MOCOS: variants seen among roughly 807,000 people sequenced by gnomAD.
The protein encoded by MOCOS is human molybdenum cofactor sulfurase.
A neutral mutation model predicts 83.6 loss-of-function variants in MOCOS; 86 were observed. The ratio of observed to expected loss-of-function variants is 1.03; its 90% confidence interval spans 0.86 to 1.23. MOCOS has a LOEUF of 1.23. Ranked by LOEUF, MOCOS falls within the 50% of genes most tolerant of loss-of-function variation. The probability of loss-of-function intolerance (pLI) is 0.00; values close to 1 mark genes in which losing one functional copy is unlikely to be tolerated. For synonymous variants in MOCOS, 445 were observed against 434.7 expected, an observed-to-expected ratio of 1.02 and a Z score of -0.29; for missense variants, 1,120 against 1,126.9, an observed-to-expected ratio of 0.99 and a Z score of 0.09.
chr18:36,260,400 CAGA>C (rs1409755209), intron 13 of MOCOS, among the ~76,000 whole-genome samples: 2 of 152,228 alleles, frequency 1.3e-5, no homozygotes, highest in Non-Finnish European at 2.9e-5. Flanking sequence ...GCACACACCA[CAGA>C]AGGTGTGCGA....
intron 9 of MOCOS, among the ~76,000 whole-genome samples, chr18:36,228,694 G>T (rs2091526877): frequency 6.6e-6 from 1 of 152,080 alleles, no homozygotes; most frequent in Admixed American, 6.6e-5. Flanking sequence ...GTGGAGGGTG[G>T]GAGGATGGGG....
chr18:36,219,114 G>A (rs918455897), intron 8 of MOCOS, among the ~76,000 whole-genome samples: 51 of 150,982 alleles, frequency 3.4e-4, no homozygotes, highest in Admixed American at 3.0e-3. Flanking sequence ...TGATCTGCCC[G>A]CCTCAGTCTC....
In MOCOS at chr18:36,248,986, G is replaced by A; in HGVS notation, c.2025G>A (p.Arg675=). 2 of 1,614,072 alleles carry A rather than the reference G, an allele frequency of 1.2e-6. No homozygotes were observed. Among genetic ancestry groups the A allele is most frequent in the Non-Finnish European group, 1.7e-6 (2 of 1,179,964 alleles). Residue 675 remains arginine (R), a synonymous_variant, in exon 10 of 15, where the codon AGG becomes AGA. Transcript: ENST00000261326. ...NSERTQIRQS[R]VCADRVSTYD... ...AACGGACTCAGATTCGCCAAAGCAG[G>A]GTCTGTGCTGACAGGTGAGACTCTG...
At position 36,247,051 on chromosome 18, in the gene MOCOS, G is replaced by A. The variant is rs528509214; in HGVS notation, c.1961-1871G>A. On this transcript the variant is annotated intron_variant, in intron 9 of 14. Transcript: ENST00000261326. ...TGCTGTGGCCACTCTGGGGGTGGGG[G>A]GCTGGTTCTTGGGCAAATGGAGTTA... Among the ~76,000 whole-genome samples, 10 of 151,996 alleles carry A rather than the reference G, an allele frequency of 6.6e-5. No individual in the cohort carries two copies. In the East Asian group the frequency reaches 1.7e-3, roughly 26 times the overall value.
chr18:36,234,839 T>A lies in MOCOS; in HGVS notation c.1961-14083T>A, dbSNP rs116975007. ...AGGCAAAGGGAAATGAGGACCTTCTTCACATGGTGGCAAGAGAGAGAAGGG... is the reference window on the plus strand; with the variant it reads ...AGGCAAAGGGAAATGAGGACCTTCTACACATGGTGGCAAGAGAGAGAAGGG... On this transcript the variant is annotated intron_variant, in intron 9 of 14. Transcript: ENST00000261326. Among the ~76,000 whole-genome samples the A allele has an allele frequency of 6.6e-4, 100 of 152,258 alleles. 1 individual carries two copies. The East Asian group carries it at 0.019, about 28-fold the overall frequency.
intron 13 of MOCOS, among the ~76,000 whole-genome samples, chr18:36,264,575 G>A (rs1222114839): frequency 6.6e-6 from 1 of 152,182 alleles, no homozygotes; most frequent in Non-Finnish European, 1.5e-5. Flanking sequence ...TATCCCTGAT[G>A]TAGTTCTCAC....
At chr18:36,198,904 CAG>C (rs1181947172) in intron 3 of MOCOS, 148 bp downstream of exon 3, 2 of 828,496 alleles carry the variant, frequency 2.4e-6, no homozygotes, top group Non-Finnish European at 4.0e-6. Context: ...TGAGAAACAT[CAG>C]AGTCAGAGCT....
chr18:36,215,471 T>G, intron 7 of MOCOS, 45 bp from the exon 8 acceptor site: 241 of 1,567,948 alleles, frequency 1.5e-4, no homozygotes, highest in Non-Finnish European at 1.9e-4. Context: ...AGTGTCTCTA[T>G]GAGAAAGGGG....
At chr18:36,235,917 T>TATA (rs2091556899) in intron 9 of MOCOS, among the ~76,000 whole-genome samples, 1 of 152,176 alleles carries the variant, frequency 6.6e-6, no homozygotes, top group African/African-American at 2.4e-5. Context: ...TTTTTGCCTG[T>TATA]ATAAATGTCT....
At chr18:36,204,996 C>CA (rs10685658) in intron 5 of MOCOS, 81 bp from the exon 6 acceptor site, 5,232 of 415,320 alleles carry the variant, frequency 0.013, 19 homozygotes, top group East Asian at 0.018. Context: ...GACCGTGTCT[C>CA]AAAAAAAAAA....
chr18:36,204,098 A>G (rs1489115990), intron 5 of MOCOS, among the ~76,000 whole-genome samples: 1 of 152,186 alleles, frequency 6.6e-6, no homozygotes, highest in African/African-American at 2.4e-5. Flanking sequence ...AAAACTTACC[A>G]TTTTAACTAT....
At chr18:36,214,254 AAAAAAAAAGAAAAG>A (rs2091466917) in intron 7 of MOCOS, among the ~76,000 whole-genome samples, 1 of 47,986 alleles carries the variant, frequency 2.1e-5, no homozygotes, top group South Asian at 5.9e-4. Context: ...CAAAAAAAAA[AAAAAAAAAGAAAAG>A]AAAAAAAAGA....
At chr18:36,252,102 T>A (rs1027254139) in intron 11 of MOCOS, among the ~76,000 whole-genome samples, 3 of 152,214 alleles carry the variant, frequency 2.0e-5, no homozygotes, top group Non-Finnish European at 4.4e-5. Flanking sequence ...CTCCCCATGC[T>A]TAAAATAGCA....
rs118185398 is a variant in MOCOS at position 36,252,656 on chromosome 18, C to T, written c.2164+1373C>T. ...GGAGGATCTTTTGAACCCAGGAGTTCGAGGCTGCAGTGAGTTATCATCACA... is the reference window on the plus strand; with the variant it reads ...GGAGGATCTTTTGAACCCAGGAGTTTGAGGCTGCAGTGAGTTATCATCACA... On this transcript the variant is annotated intron_variant, in intron 11 of 14. Transcript: ENST00000261326. Among the ~76,000 whole-genome samples the T allele has an allele frequency of 7.4e-3, 1,119 of 152,124 alleles. 5 individuals are homozygous for T. The highest frequency in any genetic ancestry group is 0.011 in the Non-Finnish European group (723 of 67,984).
intron 7 of MOCOS, among the ~76,000 whole-genome samples, chr18:36,214,165 C>T (rs750429708): frequency 3.3e-4 from 47 of 141,206 alleles, no homozygotes; most frequent in Admixed American, 2.3e-3. Context: ...TGCTTGAACC[C>T]GGGAGGTCGA....
chr18:36,206,993 A>T lies in MOCOS; in HGVS notation c.1218+1717A>T, dbSNP rs549024716. ...GGATGATTTATATTCCTTTGGGTAT[A>T]TACCAGTAATTTAATTAAGGAATTG... On this transcript the variant is annotated intron_variant, in intron 6 of 14. Coordinates refer to ENST00000261326, the MANE Select transcript of MOCOS (RefSeq NM_017947.4). Among the ~76,000 whole-genome samples, 5 of 152,300 alleles carry T rather than the reference A, an allele frequency of 3.3e-5. No individual in the cohort carries two copies. The East Asian group carries it at 9.7e-4, about 29-fold the overall frequency.
chr18:36,235,352 A>G (rs1242333888), intron 9 of MOCOS, among the ~76,000 whole-genome samples: 1 of 130,422 alleles, frequency 7.7e-6, no homozygotes, highest in Non-Finnish European at 1.6e-5. Context: ...TCATTGTTCA[A>G]TTCCCACCTA....
intron 13 of MOCOS, among the ~76,000 whole-genome samples, chr18:36,262,250 T>TACACACACACACACACCCAC (rs1555656487): frequency 7.8e-6 from 1 of 127,824 alleles, no homozygotes; most frequent in East Asian, 2.5e-4. Context: ...CGTCTCTCTC[T>TACACACACACACACACCCAC]ACACACACAC....
At chr18:36,192,512 A>T (rs1447436338) in intron 1 of MOCOS, among the ~76,000 whole-genome samples, 2 of 152,244 alleles carry the variant, frequency 1.3e-5, no homozygotes, top group Non-Finnish European at 2.9e-5. Context: ...TATTGTTAAC[A>T]TGGCAATAAT....
Sources: allele counts gnomAD v4.1 joint callset (sites outside exome capture counted in the v4.1 genomes callset), GRCh38; gene constraint gnomAD v4.1.1; transcripts MANE v1.5; gene names NCBI Gene and HGNC (gene_info 2026-07-23, HGNC 2026-07-21).